Variants in PRKAG2 observed in about 807,000 individuals in gnomAD.
PRKAG2 encodes protein kinase AMP-activated non-catalytic subunit gamma 2, also known as 5'-AMP-activated protein kinase subunit gamma-2.
A neutral mutation model predicts 69.6 loss-of-function variants in PRKAG2; 26 were observed. The ratio of observed to expected loss-of-function variants is 0.37; its 90% confidence interval spans 0.27 to 0.52. The LOEUF (loss-of-function observed/expected upper bound fraction) is 0.52, where lower values mean the gene tolerates loss of function less well. Ranked by LOEUF, PRKAG2 falls within the 20% of genes least tolerant of loss-of-function variation. The pLI is 0.90. For synonymous variants in PRKAG2, 293 were observed against 285.0 expected, an observed-to-expected ratio of 1.03 and a Z score of -0.28; for missense variants, 557 against 740.0, an observed-to-expected ratio of 0.75 and a Z score of 2.87.
chr7:151,652,244 C>T (rs1401630960), intron 4 of PRKAG2, among the ~76,000 whole-genome samples: 1 of 152,190 alleles, frequency 6.6e-6, no homozygotes, highest in Non-Finnish European at 1.5e-5. Flanking sequence ...CCAATACACT[C>T]CTCTCTTTTT....
At chr7:151,672,488 T>C (rs10247362) in intron 4 of PRKAG2, among the ~76,000 whole-genome samples, 1 of 152,086 alleles carries the variant, frequency 6.6e-6, no homozygotes, top group African/African-American at 2.4e-5. Context: ...CCCCAACTCT[T>C]TCACTTTTCC....
intron 5 of PRKAG2, among the ~76,000 whole-genome samples, chr7:151,605,090 C>A (rs1817190030): frequency 1.3e-5 from 2 of 152,150 alleles, no homozygotes; most frequent in Admixed American, 6.5e-5. Flanking sequence ...AATCTCAACT[C>A]ATCGCAACCT....
At chr7:151,715,322 CA>C (rs34971340) in intron 3 of PRKAG2, among the ~76,000 whole-genome samples, 821 of 62,402 alleles carry the variant, frequency 0.013, 13 homozygotes, top group African/African-American at 0.054. Context: ...GGCCTAAAAG[CA>C]AAAAAAAAAA....
At chr7:151,862,392 T>A (rs1049559604) in intron 1 of PRKAG2, among the ~76,000 whole-genome samples, 4 of 152,382 alleles carry the variant, frequency 2.6e-5, no homozygotes, top group African/African-American at 9.6e-5. Context: ...TTGAGGTATG[T>A]GGCTCCCACA....
chr7:151,713,297 T>G (rs1417730750), intron 3 of PRKAG2, among the ~76,000 whole-genome samples: 1 of 152,210 alleles, frequency 6.6e-6, no homozygotes, highest in African/African-American at 2.4e-5. Context: ...TGTTTCCTTT[T>G]GCTCTGATAT....
intron 12 of PRKAG2, 122 bp downstream of exon 12, chr7:151,565,598 G>T: frequency 7.2e-7 from 1 of 1,388,080 alleles, no homozygotes; most frequent in Non-Finnish European, 1.0e-6. Flanking sequence ...CCTTGGTGCT[G>T]AATTTATTCA....
chr7:151,567,945 A>G lies in PRKAG2; in HGVS notation c.1233+771T>C. Among the ~76,000 whole-genome samples the G allele has an allele frequency of 6.6e-6, 1 of 152,202 alleles. No individual in the cohort carries two copies. Among genetic ancestry groups the G allele is most frequent in the East Asian group, 1.9e-4 (1 of 5,198 alleles). On this transcript the variant is annotated intron_variant, in intron 11 of 15. Coordinates refer to ENST00000287878, the MANE Select transcript of PRKAG2 (RefSeq NM_016203.4). The surrounding 1 kb of genome is among the most constrained non-coding windows in gnomAD (Gnocchi z 4.2). ...AAAGCTAATTTGAAGTACATTTTTA[A>G]TATCTGTTACAGTCTTGGAAAAACA...
intron 6 of PRKAG2, among the ~76,000 whole-genome samples, chr7:151,587,808 A>G (rs1368429209): frequency 6.6e-6 from 1 of 152,206 alleles, no homozygotes; most frequent in Non-Finnish European, 1.5e-5. Context: ...ATCCTCCAAC[A>G]GAAAACGGCA....
intron 3 of PRKAG2, among the ~76,000 whole-genome samples, chr7:151,742,169 A>C (rs2151714183): frequency 6.6e-6 from 1 of 152,264 alleles, no homozygotes; most frequent in Middle Eastern, 3.4e-3. Context: ...ACCATACCAT[A>C]CTTTCTCATC....
At position 151,782,339 on chromosome 7, in the gene PRKAG2, AGGAGGGAGGGAG is replaced by A. The variant is rs377723859; in HGVS notation, c.187-920_187-909del. On this transcript the variant is annotated intron_variant, in intron 2 of 15. Coordinates refer to ENST00000287878, the MANE Select transcript of PRKAG2 (RefSeq NM_016203.4). ...AAGGAAGGAAGGAAGGAAGGAAGGA[AGGAGGGAGGGAG>A]GGAGGGAGGGAGGGAGGGAGGGAAG... is the stretch of plus-strand genomic sequence containing the variant. 9.4e-3 allele frequency among the ~76,000 whole-genome samples: 238 copies of A among 25,286 alleles called. 6 individuals carry two copies. The highest frequency in any genetic ancestry group is 0.01 in the Non-Finnish European group (113 of 11,092). 16.6% of individuals were successfully genotyped at this position (25,286 alleles called of 152,430 possible). A position where few individuals can be genotyped will look rare whatever the true frequency, so the allele number is the denominator to read the frequency against.
rs572936335 is a variant in PRKAG2 at position 151,826,671 on chromosome 7, G to A, written c.115-40130C>T. ...GTAATGACTGTAAGTGAAAATAAATGTTCTAAAGGGACATTAAACAAATAC... is the reference window on the plus strand; with the variant it reads ...GTAATGACTGTAAGTGAAAATAAATATTCTAAAGGGACATTAAACAAATAC... On this transcript the variant is annotated intron_variant, in intron 1 of 15. Coordinates refer to ENST00000287878, the MANE Select transcript of PRKAG2 (RefSeq NM_016203.4). Among the ~76,000 whole-genome samples, 17 of 152,286 alleles carry A rather than the reference G, an allele frequency of 1.1e-4. No individual in the cohort carries two copies. The South Asian group carries it at 2.7e-3, about 24-fold the overall frequency.
In PRKAG2 at chr7:151,557,022, A is replaced by C. The variant is rs1803896991; in HGVS notation, c.*179T>G. 1 of 1,019,298 alleles carries C rather than the reference A, an allele frequency of 9.8e-7. No homozygotes were observed. Among genetic ancestry groups the C allele is most frequent in the Admixed American group, 2.3e-5 (1 of 42,826 alleles). The allele number at this position is 1,019,298 out of a possible 1,614,324, so 63.1% of individuals were successfully genotyped here. A position where few individuals can be genotyped will look rare whatever the true frequency, so the allele number is the denominator to read the frequency against. On this transcript the variant is annotated 3_prime_UTR_variant, in exon 16 of 16. Transcript: ENST00000287878. ...AAAACAGTCTTTTAATGCAAGCCTG[A>C]ATCTTCAAGCACATAAAATCTTTCT...
At chr7:151,813,891 G>A (rs1187506197) in intron 1 of PRKAG2, among the ~76,000 whole-genome samples, 2 of 152,170 alleles carry the variant, frequency 1.3e-5, no homozygotes, top group African/African-American at 4.8e-5. Context: ...GAAAACTGTG[G>A]GCCATCCCCA....
chr7:151,763,154 G>A (rs965703966), intron 3 of PRKAG2, among the ~76,000 whole-genome samples: 9 of 152,202 alleles, frequency 5.9e-5, no homozygotes, highest in African/African-American at 1.7e-4. Flanking sequence ...CTTAATTGTC[G>A]GGTGGGCTCG....
chr7:151,842,132 A>C (rs1162282897), intron 1 of PRKAG2, among the ~76,000 whole-genome samples: 1 of 140,528 alleles, frequency 7.1e-6, no homozygotes, highest in African/African-American at 2.7e-5. Flanking sequence ...TGGGGATGGT[A>C]GTGATGGTAG....
intron 3 of PRKAG2, among the ~76,000 whole-genome samples, chr7:151,701,498 C>T (rs549344336): frequency 2.0e-5 from 3 of 152,304 alleles, no homozygotes; most frequent in Admixed American, 1.3e-4. Flanking sequence ...GACACAGATA[C>T]ACAGGGAGAT....
intron 3 of PRKAG2, among the ~76,000 whole-genome samples, chr7:151,775,602 C>G (rs1218495986): frequency 6.6e-6 from 1 of 152,178 alleles, no homozygotes; most frequent in Non-Finnish European, 1.5e-5. Flanking sequence ...TGCCTTTTGT[C>G]CAGATTTGGT....
rs774358767 is a variant in PRKAG2 at position 151,699,821 on chromosome 7, G to A, written c.467-24184C>T. Among the ~76,000 whole-genome samples, 238 of 152,152 alleles carry A rather than the reference G, an allele frequency of 1.6e-3. 1 individual carries two copies. The highest frequency in any genetic ancestry group is 1.7e-3 in the Non-Finnish European group (119 of 68,038). ...CTCAGGCCCTCAGAGGAGGCAGTGG[G>A]GAGGTTCTTGATATAGGCTGGTCTT... is the stretch of plus-strand genomic sequence containing the variant. On this transcript the variant is annotated intron_variant, in intron 3 of 15. Coordinates refer to ENST00000287878, the MANE Select transcript of PRKAG2 (RefSeq NM_016203.4). The surrounding 1 kb of genome is among the most constrained non-coding windows in gnomAD (Gnocchi z 4.5).
At chr7:151,623,362 T>TAAA (rs1821976880) in intron 5 of PRKAG2, among the ~76,000 whole-genome samples, 5 of 14,238 alleles carry the variant, frequency 3.5e-4, no homozygotes, top group Non-Finnish European at 1.3e-4. Context: ...AGACTCTGTC[T>TAAA]CAAAAAAAAA....
Sources: gnomAD v4.1 joint callset for allele counts (sites outside exome capture counted in the v4.1 genomes callset) on GRCh38, gnomAD v4.1.1 for gene constraint, Gnocchi (gnomAD v3.1) non-coding constraint, MANE v1.5 for transcripts, NCBI Gene and HGNC (gene_info 2026-07-23, HGNC 2026-07-21) for gene names.